Variants in PIP4K2A observed in about 807,000 individuals in gnomAD.
PIP4K2A encodes the protein phosphatidylinositol-5-phosphate 4-kinase type 2 alpha.
PIP4K2A carries 14 observed loss-of-function variants against 42.9 expected under a neutral mutation model. That is an observed-to-expected ratio of 0.33 (90% CI 0.22 to 0.51). The LOEUF (loss-of-function observed/expected upper bound fraction) is 0.51. Ranked by LOEUF, PIP4K2A falls within the 20% of genes least tolerant of loss-of-function variation. The pLI, the probability that PIP4K2A is intolerant of heterozygous loss-of-function variation, is 0.97. For missense variants in PIP4K2A, 434 were observed against 519.8 expected (o/e 0.83, Z 1.61); for synonymous variants, 192 against 192.2 (o/e 1.00, Z 0.01).
intron 4 of PIP4K2A, among the ~76,000 whole-genome samples, chr10:22,577,705 A>AG (rs1837156985): frequency 6.6e-6 from 1 of 152,284 alleles, no homozygotes; most frequent in East Asian, 1.9e-4. Context: ...CTCCAGTCAC[A>AG]CTGCGACGCA....
chr10:22,635,794 G>A (rs1274966746), intron 1 of PIP4K2A, among the ~76,000 whole-genome samples: 3 of 152,160 alleles, frequency 2.0e-5, no homozygotes, highest in Non-Finnish European at 4.4e-5. Flanking sequence ...TCACAATGCA[G>A]GACCAAGCAA....
intron 1 of PIP4K2A, among the ~76,000 whole-genome samples, chr10:22,708,682 A>C (rs1833861136): frequency 2.0e-5 from 3 of 152,298 alleles, no homozygotes; most frequent in Admixed American, 2.0e-4. Flanking sequence ...ACTGCTATGT[A>C]GCCTGTGGAC....
chr10:22,689,654 C>A (rs900335872), intron 1 of PIP4K2A, among the ~76,000 whole-genome samples: 6 of 152,134 alleles, frequency 3.9e-5, no homozygotes, highest in Admixed American at 3.3e-4. Context: ...TGAAACCAAT[C>A]CCTCACAGAT....
At chr10:22,640,241 T>C (rs903180346) in intron 1 of PIP4K2A, among the ~76,000 whole-genome samples, 3 of 152,166 alleles carry the variant, frequency 2.0e-5, no homozygotes, top group Non-Finnish European at 4.4e-5. Flanking sequence ...TAACAGGGAC[T>C]CATAAATCAT....
chr10:22,649,399 CTGAG>C (rs1838946853), intron 1 of PIP4K2A, among the ~76,000 whole-genome samples: 1 of 152,186 alleles, frequency 6.6e-6, no homozygotes, highest in Non-Finnish European at 1.5e-5. Flanking sequence ...CATAAAAGGG[CTGAG>C]TGAGTGGAGT....
intron 4 of PIP4K2A, among the ~76,000 whole-genome samples, chr10:22,588,885 A>G (rs1837453086): frequency 6.6e-6 from 1 of 152,248 alleles, no homozygotes; most frequent in Non-Finnish European, 1.5e-5. Flanking sequence ...CACCAATAAG[A>G]TAACAATTTT....
At chr10:22,585,806 G>C (rs115403107) in intron 4 of PIP4K2A, among the ~76,000 whole-genome samples, 5 of 152,042 alleles carry the variant, frequency 3.3e-5, no homozygotes, top group African/African-American at 9.7e-5. Flanking sequence ...GTGTTGGCTA[G>C]GCTGGTCTTG....
chr10:22,609,048 G>C (rs569364092), intron 2 of PIP4K2A, among the ~76,000 whole-genome samples: 1 of 152,286 alleles, frequency 6.6e-6, no homozygotes, highest in East Asian at 1.9e-4. Context: ...GTTTGTATAT[G>C]TGTCAGTTTT....
chr10:22,623,729 C>T (rs540460172), intron 1 of PIP4K2A, among the ~76,000 whole-genome samples: 7 of 152,234 alleles, frequency 4.6e-5, no homozygotes, highest in Admixed American at 2.0e-4. Context: ...GCTAAAGCAA[C>T]GCTCACAAAA....
intron 1 of PIP4K2A, among the ~76,000 whole-genome samples, chr10:22,650,828 T>C (rs1427126478): frequency 8.2e-6 from 1 of 121,982 alleles, no homozygotes; most frequent in Non-Finnish European, 1.7e-5. Context: ...TTTTTGGAAA[T>C]CTACTGGGTT....
intron 1 of PIP4K2A, among the ~76,000 whole-genome samples, chr10:22,630,092 G>A (rs1199842639): frequency 6.6e-6 from 1 of 151,632 alleles, no homozygotes; most frequent in Non-Finnish European, 1.5e-5. Context: ...ATCCCAGCAT[G>A]TTGGGAAGGC....
chr10:22,540,579 C>G (rs987361880), intron 8 of PIP4K2A, among the ~76,000 whole-genome samples: 1 of 152,040 alleles, frequency 6.6e-6, no homozygotes, highest in Admixed American at 6.5e-5. Flanking sequence ...TTTTTTGAGA[C>G]AGAGTTTTGT....
chr10:22,655,833 G>A (rs1344711521), intron 1 of PIP4K2A, among the ~76,000 whole-genome samples: 1 of 152,210 alleles, frequency 6.6e-6, no homozygotes, highest in Non-Finnish European at 1.5e-5. Flanking sequence ...ATTTGTGCAA[G>A]AGTGGAGTTT....
chr10:22,554,883 G>A (rs1301075524), intron 6 of PIP4K2A, among the ~76,000 whole-genome samples: 1 of 152,214 alleles, frequency 6.6e-6, no homozygotes, highest in Non-Finnish European at 1.5e-5. Context: ...CCAAGGCCCT[G>A]GCCAGCTGAG....
chr10:22,603,968 A>G (rs903246508), intron 3 of PIP4K2A, among the ~76,000 whole-genome samples: 3 of 151,906 alleles, frequency 2.0e-5, no homozygotes, highest in Admixed American at 2.0e-4. Context: ...CTGAATCTAG[A>G]AGCACTGGTT....
At chr10:22,629,691 G>T (rs1838511157) in intron 1 of PIP4K2A, among the ~76,000 whole-genome samples, 1 of 152,124 alleles carries the variant, frequency 6.6e-6, no homozygotes, top group African/African-American at 2.4e-5. Flanking sequence ...GACTAAATTA[G>T]CTAAATCAGT....
At chr10:22,550,829 A>C in intron 6 of PIP4K2A, 57 bp from the exon 7 acceptor site, 1 of 1,043,854 alleles carries the variant, frequency 9.6e-7, no homozygotes, top group Admixed American at 1.8e-5. Context: ...TAAAAAAACC[A>C]CATACACCTT....
intron 4 of PIP4K2A, among the ~76,000 whole-genome samples, chr10:22,584,717 CCT>C (rs1306873307): frequency 1.3e-5 from 2 of 152,164 alleles, no homozygotes; most frequent in African/African-American, 2.4e-5. Flanking sequence ...AATACCTTCC[CCT>C]GTTTCTAAGA....
chr10:22,654,322 T>C (rs1564456601), intron 1 of PIP4K2A, among the ~76,000 whole-genome samples: 2 of 152,080 alleles, frequency 1.3e-5, no homozygotes, highest in East Asian at 1.9e-4. Flanking sequence ...ATATCCACTA[T>C]TAAGGAAATG....
Sources: gnomAD v4.1 joint callset for allele counts (sites outside exome capture counted in the v4.1 genomes callset) on GRCh38, gnomAD v4.1.1 for gene constraint, MANE v1.5 for transcripts, NCBI Gene and HGNC (gene_info 2026-07-23, HGNC 2026-07-21) for gene names.